The following OPRM1 variants were observed in gnomAD, a reference collection of about 807,000 sequenced individuals.
OPRM1 encodes opioid receptor mu 1.
In OPRM1, 27 loss-of-function variants were observed where a neutral mutation model predicts 31.8. The ratio of observed to expected loss-of-function variants is 0.85; its 90% CI spans 0.63 to 1.17. The LOEUF (loss-of-function observed/expected upper bound fraction) is 1.17. Among genes scored for constraint, OPRM1 ranks in the 50% most tolerant of loss-of-function variants. The pLI, the probability that OPRM1 is intolerant of heterozygous loss-of-function variation, is 0.00. For synonymous variants in OPRM1, 196 were observed against 189.9 expected (o/e 1.03, Z -0.26); for missense variants, 536 against 511.1 (o/e 1.05, Z -0.47).
intron 1 of OPRM1, among the ~76,000 whole-genome samples, chr6:154,024,209 G>A (rs1266244915): frequency 6.6e-6 from 1 of 151,872 alleles, no homozygotes; most frequent in Non-Finnish European, 1.5e-5. Flanking sequence ...TCTGGCTTCT[G>A]TCTCATTACC....
In OPRM1 at chr6:154,200,059, A is replaced by G. The variant is rs749374468; in HGVS notation, c.1165-46634A>G. On this transcript the variant is annotated intron_variant, in intron 3 of 3. Coordinates refer to the OPRM1 transcript ENST00000337049. ...GTGCAGTCTATTTTTCACAAATAAA[A>G]CCAAAAAAAGAATAAAAGACATCAT... 39 of 1,569,024 alleles carry G rather than the reference A, an allele frequency of 2.5e-5. No individual in the cohort carries two copies. The Admixed American group carries it at 6.7e-4, about 27-fold the overall frequency.
intron 3 of OPRM1, among the ~76,000 whole-genome samples, chr6:154,216,729 G>A (rs767011904): frequency 2.0e-5 from 3 of 152,144 alleles, no homozygotes; most frequent in African/African-American, 4.8e-5. Context: ...TTAGCCAGGC[G>A]TGGTGGCACA....
At chr6:154,242,300 C>G (rs117931152) in intron 3 of OPRM1, among the ~76,000 whole-genome samples, 2 of 152,166 alleles carry the variant, frequency 1.3e-5, no homozygotes, top group African/African-American at 4.8e-5. Flanking sequence ...TTTCCCATAT[C>G]TGTTTTTAAG....
intron 3 of OPRM1, chr6:154,107,532 A>C: frequency 1.4e-6 from 1 of 718,618 alleles, no homozygotes; most frequent in South Asian, 1.5e-5. Flanking sequence ...AATGCAGGGC[A>C]GTCTCCATTT....
intron 3 of OPRM1, among the ~76,000 whole-genome samples, chr6:154,192,478 C>A (rs539014728): frequency 6.6e-6 from 1 of 152,044 alleles, no homozygotes; most frequent in South Asian, 2.1e-4. Context: ...ATATAAATAT[C>A]GAGTCATGAA....
intron 3 of OPRM1, among the ~76,000 whole-genome samples, chr6:154,244,742 C>A (rs1320162233): frequency 6.6e-6 from 1 of 152,154 alleles, no homozygotes; most frequent in East Asian, 1.9e-4. Context: ...GAAGGACTTC[C>A]TTTAAATTCT....
chr6:154,085,887 C>CTTTTTTTTTT (rs1562446297), intron 1 of OPRM1, among the ~76,000 whole-genome samples: 18 of 100,960 alleles, frequency 1.8e-4, no homozygotes, highest in African/African-American at 8.3e-4. Context: ...GAAAGCTTGC[C>CTTTTTTTTTT]CTTTTTTTTT....
At chr6:154,062,896 T>C (rs909017790) in intron 1 of OPRM1, among the ~76,000 whole-genome samples, 3 of 152,056 alleles carry the variant, frequency 2.0e-5, no homozygotes, top group African/African-American at 7.2e-5. Flanking sequence ...TAAGTCTTTA[T>C]AGACCTTAAT....
chr6:154,141,211 T>C lies in OPRM1; in HGVS notation c.1164+49739T>C, dbSNP rs192428460. Among the ~76,000 whole-genome samples, 126 of 152,362 alleles carry C rather than the reference T, an allele frequency of 8.3e-4. 1 individual carries two copies. In the South Asian group the frequency reaches 9.5e-3, roughly 12 times the overall value. On this transcript the variant is annotated intron_variant, in intron 3 of 3. Coordinates refer to the OPRM1 transcript ENST00000337049. The stretch of plus-strand genomic sequence containing the variant: ...GATAATGGACACAAAGCACCTTCCC[T>C]GATGCTCAGTACATGGGCAGCGCGT...
chr6:154,049,189 T>G (rs1470921641), intron 1 of OPRM1, among the ~76,000 whole-genome samples: 1 of 152,168 alleles, frequency 6.6e-6, no homozygotes, highest in Non-Finnish European at 1.5e-5. Flanking sequence ...ACTTTCCTCA[T>G]AAGCCACATC....
At chr6:154,024,252 C>T (rs1182792868) in intron 1 of OPRM1, among the ~76,000 whole-genome samples, 1 of 151,892 alleles carries the variant, frequency 6.6e-6, no homozygotes, top group African/African-American at 2.4e-5. Context: ...TGGATTTCTT[C>T]ATGGTTCAAT....
intron 3 of OPRM1, among the ~76,000 whole-genome samples, chr6:154,196,890 T>C (rs1364372561): frequency 6.6e-6 from 1 of 152,170 alleles, no homozygotes; most frequent in Non-Finnish European, 1.5e-5. Flanking sequence ...TCTAACAGAG[T>C]ATTTAAATTC....
At chr6:154,232,811 A>G (rs1361841995) in intron 3 of OPRM1, among the ~76,000 whole-genome samples, 2 of 152,214 alleles carry the variant, frequency 1.3e-5, no homozygotes, top group Non-Finnish European at 2.9e-5. Flanking sequence ...AATGGAAATT[A>G]ACATAGATGT....
intron 3 of OPRM1, among the ~76,000 whole-genome samples, chr6:154,205,286 T>A (rs185534797): frequency 2.6e-4 from 40 of 152,054 alleles, no homozygotes; most frequent in Admixed American, 1.4e-3. Context: ...TATTTTTTTT[T>A]AATAAAAACA....
intron 1 of OPRM1, among the ~76,000 whole-genome samples, chr6:154,043,937 G>A (rs1780584966): frequency 6.6e-6 from 1 of 151,906 alleles, no homozygotes; most frequent in Admixed American, 6.6e-5. Context: ...CCTTTCCTTG[G>A]TTGTAAGCTG....
At chr6:154,041,615 C>T (rs1345914774) in intron 1 of OPRM1, among the ~76,000 whole-genome samples, 1 of 150,894 alleles carries the variant, frequency 6.6e-6, no homozygotes, top group Non-Finnish European at 1.5e-5. Flanking sequence ...GCCACTAAAT[C>T]TCTCCTAGCT....
chr6:154,237,114 C>T (rs1780196099), intron 3 of OPRM1, among the ~76,000 whole-genome samples: 1 of 152,180 alleles, frequency 6.6e-6, no homozygotes, highest in African/African-American at 2.4e-5. Flanking sequence ...GCAGCTGGAA[C>T]CTGACCCTTA....
At chr6:154,241,709 CT>C (rs1273226658) in intron 3 of OPRM1, among the ~76,000 whole-genome samples, 1 of 152,180 alleles carries the variant, frequency 6.6e-6, no homozygotes, top group Non-Finnish European at 1.5e-5. Context: ...CCTAACTGGC[CT>C]TCTGGCAGCT....
At chr6:154,195,184 G>C (rs1776503120) in intron 3 of OPRM1, among the ~76,000 whole-genome samples, 1 of 125,888 alleles carries the variant, frequency 7.9e-6, no homozygotes, top group African/African-American at 3.2e-5. Flanking sequence ...ATCTCGCTCT[G>C]TCACCCAGGC....
Sources: allele counts gnomAD v4.1 joint callset (sites outside exome capture counted in the v4.1 genomes callset), GRCh38; gene constraint gnomAD v4.1.1; transcripts MANE v1.5; gene names NCBI Gene and HGNC (gene_info 2026-07-23, HGNC 2026-07-21).